EXOC6B: variants seen among roughly 807,000 people sequenced by gnomAD.
EXOC6B encodes the protein SEC15 homolog B.
A neutral mutation model predicts 113.5 loss-of-function variants in EXOC6B; 54 were observed. The ratio of observed to expected loss-of-function variants is 0.48; its 90% CI spans 0.38 to 0.60. The LOEUF (loss-of-function observed/expected upper bound fraction) is 0.60, where lower values mean the gene tolerates loss of function less well. Among genes scored for constraint, EXOC6B ranks in the 20% least tolerant of loss-of-function variants. The pLI is 0.00. For synonymous variants in EXOC6B, 357 were observed against 339.0 expected, an observed-to-expected ratio of 1.05 and a Z score of -0.58; for missense variants, 797 against 977.5, an observed-to-expected ratio of 0.82 and a Z score of 2.46.
At chr2:72,764,364 C>CTT (rs397869115) in intron 1 of EXOC6B, among the ~76,000 whole-genome samples, 2,562 of 66,868 alleles carry the variant, frequency 0.038, 3 homozygotes, top group African/African-American at 0.061. Flanking sequence ...TATTTTCTCT[C>CTT]TTTTTTTTTT....
At chr2:72,512,719 GACTTCT>G (rs1701006178) in intron 11 of EXOC6B, among the ~76,000 whole-genome samples, 1 of 151,838 alleles carries the variant, frequency 6.6e-6, no homozygotes, top group Non-Finnish European at 1.5e-5. Context: ...GTTTCAATCC[GACTTCT>G]ACTTCTTATT....
At chr2:72,436,495 T>C (rs1695880168) in intron 18 of EXOC6B, among the ~76,000 whole-genome samples, 1 of 152,210 alleles carries the variant, frequency 6.6e-6, no homozygotes, top group South Asian at 2.1e-4. Context: ...AAGTGTGTTT[T>C]CCAACTTGGT....
intron 20 of EXOC6B, among the ~76,000 whole-genome samples, chr2:72,291,969 G>A (rs1255547702): frequency 6.6e-6 from 1 of 152,168 alleles, no homozygotes; most frequent in East Asian, 1.9e-4. Flanking sequence ...ACAGATTTGA[G>A]AATCACAATC....
At chr2:72,800,166 A>G (rs1464764656) in intron 1 of EXOC6B, among the ~76,000 whole-genome samples, 2 of 152,224 alleles carry the variant, frequency 1.3e-5, no homozygotes, top group African/African-American at 4.8e-5. Flanking sequence ...AAATGCATAA[A>G]TGTGTTTTTT....
At chr2:72,397,270 G>A (rs1573025847) in intron 18 of EXOC6B, among the ~76,000 whole-genome samples, 1 of 152,058 alleles carries the variant, frequency 6.6e-6, no homozygotes, top group Non-Finnish European at 1.5e-5. Context: ...AAAGACCTCA[G>A]CCCTGATATT....
chr2:72,476,923 T>A (rs1698782539), intron 17 of EXOC6B, among the ~76,000 whole-genome samples: 3 of 152,230 alleles, frequency 2.0e-5, no homozygotes, highest in Admixed American at 6.5e-5. Flanking sequence ...ATTCTCTGCC[T>A]ATAAATATCC....
intron 18 of EXOC6B, among the ~76,000 whole-genome samples, chr2:72,412,589 C>G (rs1391273228): frequency 6.6e-6 from 1 of 152,206 alleles, no homozygotes; most frequent in African/African-American, 2.4e-5. Flanking sequence ...CAAGGAGACA[C>G]TTTTGCCAAA....
chr2:72,373,494 G>T (rs1691164904), intron 19 of EXOC6B, among the ~76,000 whole-genome samples: 1 of 152,180 alleles, frequency 6.6e-6, no homozygotes, highest in Non-Finnish European at 1.5e-5. Flanking sequence ...CCACAGAGTA[G>T]TAGAAAATAT....
chr2:72,553,414 C>G (rs1357001784), intron 8 of EXOC6B, among the ~76,000 whole-genome samples: 5 of 151,902 alleles, frequency 3.3e-5, no homozygotes, highest in Middle Eastern at 3.2e-3. Context: ...AATCAAAATT[C>G]TAGAAGGACT....
intron 19 of EXOC6B, among the ~76,000 whole-genome samples, chr2:72,353,197 C>G (rs577750764): frequency 6.6e-6 from 1 of 152,292 alleles, no homozygotes; most frequent in South Asian, 2.1e-4. Flanking sequence ...GATGGCCACA[C>G]ACTGCCCTTG....
chr2:72,488,382 A>G (rs915907315), intron 16 of EXOC6B, among the ~76,000 whole-genome samples: 11 of 152,090 alleles, frequency 7.2e-5, no homozygotes, highest in African/African-American at 2.7e-4. Flanking sequence ...CAGTAGCATG[A>G]ATATAAATAT....
At chr2:72,446,710 C>G (rs552278674) in intron 18 of EXOC6B, among the ~76,000 whole-genome samples, 1 of 152,248 alleles carries the variant, frequency 6.6e-6, no homozygotes, top group East Asian at 1.9e-4. Context: ...ATCTGTACAA[C>G]AAACCCCTGT....
chr2:72,525,799 A>G (rs1231614486), intron 8 of EXOC6B, among the ~76,000 whole-genome samples: 3 of 152,110 alleles, frequency 2.0e-5, no homozygotes, highest in African/African-American at 7.2e-5. Context: ...TCAGCGGTCC[A>G]TAACATACCA....
At chr2:72,743,146 T>C (rs1681441435) in intron 1 of EXOC6B, among the ~76,000 whole-genome samples, 1 of 152,040 alleles carries the variant, frequency 6.6e-6, no homozygotes, top group South Asian at 2.1e-4. Context: ...CTCCGAAACA[T>C]GTCTTAACAT....
At chr2:72,484,850 T>C (rs1203020515) in intron 16 of EXOC6B, among the ~76,000 whole-genome samples, 5 of 152,228 alleles carry the variant, frequency 3.3e-5, no homozygotes, top group Non-Finnish European at 7.4e-5. Context: ...TAGTCTATCA[T>C]TGATGGGCAT....
Position 72,786,090 on chromosome 2 carries a change from T to C in EXOC6B, c.113+39708A>G, listed in dbSNP as rs149381448. Among the ~76,000 whole-genome samples, 56 of 152,272 alleles carry C rather than the reference T, an allele frequency of 3.7e-4. 4 individuals are homozygous for C. In the East Asian group the frequency reaches 0.011, roughly 29 times the overall value. On this transcript the variant is annotated intron_variant, in intron 1 of 21. Transcript: ENST00000272427. The stretch of plus-strand genomic sequence containing the variant: ...AATAAAATAAAATAAAAAATTTAAG[T>C]AAGACATTCTACAAAACAAGGAAGC...
At chr2:72,331,341 C>A (rs1688409807) in intron 20 of EXOC6B, among the ~76,000 whole-genome samples, 1 of 152,042 alleles carries the variant, frequency 6.6e-6, no homozygotes, top group Non-Finnish European at 1.5e-5. Flanking sequence ...TAGTGTTGAT[C>A]AGCATTATCT....
At chr2:72,215,450 C>G (rs767864906) in intron 20 of EXOC6B, among the ~76,000 whole-genome samples, 6 of 152,118 alleles carry the variant, frequency 3.9e-5, no homozygotes, top group Admixed American at 6.5e-5. Context: ...AACCTAATTT[C>G]CAAGAAAGAA....
At chr2:72,816,361 C>A (rs1316635695) in intron 1 of EXOC6B, among the ~76,000 whole-genome samples, 1 of 152,102 alleles carries the variant, frequency 6.6e-6, no homozygotes, top group Admixed American at 6.5e-5. Context: ...CCTCTATATA[C>A]TGATATGGAC....
Sources: allele counts gnomAD v4.1 joint callset (sites outside exome capture counted in the v4.1 genomes callset), GRCh38; gene constraint gnomAD v4.1.1; transcripts MANE v1.5; gene names NCBI Gene and HGNC (gene_info 2026-07-23, HGNC 2026-07-21).